GALNT7: variants seen among roughly 807,000 people sequenced by gnomAD.
The protein encoded by GALNT7 is polypeptide N-acetylgalactosaminyltransferase 7, also known as N-acetylgalactosaminyltransferase 7.
GALNT7 carries 60 observed loss-of-function variants against 82.1 expected under a neutral mutation model. The ratio of observed to expected loss-of-function variants is 0.73; its 90% CI spans 0.59 to 0.91. The LOEUF is 0.91. Among genes scored for constraint, GALNT7 ranks in the 40% least tolerant of loss-of-function variants. GALNT7 has a pLI of 0.00. For missense variants in GALNT7, 660 were observed against 804.2 expected (o/e 0.82, Z 2.17); for synonymous variants, 243 against 275.1 (o/e 0.88, Z 1.15).
intron 9 of GALNT7, among the ~76,000 whole-genome samples, chr4:173,315,615 C>T (rs543735642): frequency 6.6e-6 from 1 of 152,294 alleles, no homozygotes; most frequent in African/African-American, 2.4e-5. Context: ...ACAGAGGACA[C>T]TCATGCTGCT....
At chr4:173,178,052 T>TGTGTGTGTGCGTGCGCGC (rs563102408) in intron 1 of GALNT7, among the ~76,000 whole-genome samples, 1 of 129,510 alleles carries the variant, frequency 7.7e-6, no homozygotes, top group Non-Finnish European at 1.6e-5. Context: ...TGTGTGTGTG[T>TGTGTGTGTGCGTGCGCGC]GCGCGCACGC....
chr4:173,297,294 G>A (rs939923476), intron 5 of GALNT7, among the ~76,000 whole-genome samples: 5 of 151,178 alleles, frequency 3.3e-5, no homozygotes, highest in Admixed American at 2.0e-4. Context: ...GAGGAGTGAG[G>A]AAGATCAAGT....
At chr4:173,199,869 T>A (rs191331889) in intron 1 of GALNT7, among the ~76,000 whole-genome samples, 1 of 152,168 alleles carries the variant, frequency 6.6e-6, no homozygotes, top group Non-Finnish European at 1.5e-5. Context: ...CACAGGACTG[T>A]AATAAAAATG....
intron 2 of GALNT7, among the ~76,000 whole-genome samples, chr4:173,265,484 T>A (rs1735448342): frequency 6.6e-6 from 1 of 152,152 alleles, no homozygotes; most frequent in Non-Finnish European, 1.5e-5. Context: ...ACCAGCCTTC[T>A]CTACATGACC....
At chr4:173,191,230 G>A (rs183109462) in intron 1 of GALNT7, among the ~76,000 whole-genome samples, 5 of 152,240 alleles carry the variant, frequency 3.3e-5, no homozygotes, top group South Asian at 2.1e-4. Context: ...GATGGGATGG[G>A]GGGGGTACTT....
At chr4:173,271,766 A>G (rs1435569734) in intron 2 of GALNT7, among the ~76,000 whole-genome samples, 2 of 152,170 alleles carry the variant, frequency 1.3e-5, no homozygotes, top group Non-Finnish European at 2.9e-5. Context: ...CCCAAGTAGT[A>G]TATTTTAAAA....
At chr4:173,321,496 C>G in intron 11 of GALNT7, 84 bp from the exon 12 acceptor site, 4 of 929,992 alleles carry the variant, frequency 4.3e-6, no homozygotes, top group Non-Finnish European at 6.9e-6. Context: ...TAAACTGTCT[C>G]CTCATGAAAG....
chr4:173,272,726 G>A (rs890204664), intron 2 of GALNT7, among the ~76,000 whole-genome samples: 2 of 152,176 alleles, frequency 1.3e-5, no homozygotes, highest in African/African-American at 4.8e-5. Context: ...CATCTCATAT[G>A]TATCAATTAT....
chr4:173,298,247 T>C lies in GALNT7; in HGVS notation c.1098T>C (p.Pro366=). Residue 366 remains proline, a synonymous_variant, in exon 6 of 12, where the codon CCT becomes CCC. Coordinates refer to ENST00000265000, the MANE Select transcript of GALNT7 (RefSeq NM_017423.3). ...WDWSMLWKRV[P]LTPQEKRLRK... The stretch of plus-strand genomic sequence containing the variant: ...GGAGTATGCTCTGGAAACGGGTGCC[T>C]CTGACCCCTCAAGAGAAGAGACTGA... The C allele has an allele frequency of 6.2e-7, 1 of 1,607,676 alleles. No individual in the cohort carries two copies. Among genetic ancestry groups the C allele is most frequent in the Non-Finnish European group, 8.5e-7 (1 of 1,177,804 alleles).
intron 1 of GALNT7, among the ~76,000 whole-genome samples, chr4:173,195,887 C>A (rs1021456891): frequency 1.3e-5 from 2 of 152,134 alleles, no homozygotes; most frequent in Admixed American, 1.3e-4. Context: ...CAATTTAAAA[C>A]CTAAAACTAA....
intron 11 of GALNT7, among the ~76,000 whole-genome samples, chr4:173,319,322 TTATCA>T (rs1322534832): frequency 1.3e-5 from 2 of 152,180 alleles, no homozygotes; most frequent in Non-Finnish European, 2.9e-5. Flanking sequence ...CCAGTATTTG[TTATCA>T]TATCCCATCT....
intron 1 of GALNT7, among the ~76,000 whole-genome samples, chr4:173,209,609 C>A (rs1275087568): frequency 6.6e-6 from 1 of 152,228 alleles, no homozygotes; most frequent in African/African-American, 2.4e-5. Flanking sequence ...CCTGCTAGTA[C>A]CTCCCAGTCA....
chr4:173,280,489 C>T (rs1736072560), intron 2 of GALNT7, among the ~76,000 whole-genome samples: 1 of 152,142 alleles, frequency 6.6e-6, no homozygotes, highest in Non-Finnish European at 1.5e-5. Context: ...TGCCAAGCAC[C>T]TGACCCAGAT....
chr4:173,196,442 T>C (rs547970490), intron 1 of GALNT7, among the ~76,000 whole-genome samples: 1 of 152,314 alleles, frequency 6.6e-6, no homozygotes, highest in South Asian at 2.1e-4. Flanking sequence ...TATTTTAAGC[T>C]GTTTAAAATG....
At chr4:173,213,511 T>C (rs1733348609) in intron 1 of GALNT7, among the ~76,000 whole-genome samples, 1 of 152,170 alleles carries the variant, frequency 6.6e-6, no homozygotes, top group African/African-American at 2.4e-5. Flanking sequence ...GAGACAGTAG[T>C]GTTTAATACA....
chr4:173,307,307 G>C (rs780843016), intron 8 of GALNT7, among the ~76,000 whole-genome samples: 12 of 152,196 alleles, frequency 7.9e-5, no homozygotes, highest in Non-Finnish European at 1.6e-4. Context: ...ACAGGATCTT[G>C]GACAGTTTAA....
At chr4:173,175,226 A>G (rs1473522533) in intron 1 of GALNT7, among the ~76,000 whole-genome samples, 1 of 152,246 alleles carries the variant, frequency 6.6e-6, no homozygotes, top group Non-Finnish European at 1.5e-5. Flanking sequence ...TAAATTAAAG[A>G]TTTCAGTAAT....
chr4:173,277,876 T>C (rs1450170336), intron 2 of GALNT7, among the ~76,000 whole-genome samples: 1 of 152,194 alleles, frequency 6.6e-6, no homozygotes, highest in African/African-American at 2.4e-5. Context: ...ATAACTGACA[T>C]CTTAAGAGTG....
At chr4:173,245,676 T>C (rs1186402987) in intron 1 of GALNT7, among the ~76,000 whole-genome samples, 1 of 152,236 alleles carries the variant, frequency 6.6e-6, no homozygotes, top group Non-Finnish European at 1.5e-5. Flanking sequence ...TATATTAATT[T>C]ACTTACAACA....
Sources: allele counts gnomAD v4.1 joint callset (sites outside exome capture counted in the v4.1 genomes callset), GRCh38; gene constraint gnomAD v4.1.1; transcripts MANE v1.5; gene names NCBI Gene and HGNC (gene_info 2026-07-23, HGNC 2026-07-21).